Variants in GARNL3 observed in about 807,000 individuals in gnomAD.
GARNL3 encodes the protein GTPase activating Rap/RanGAP domain like 3.
In GARNL3, 63 loss-of-function variants were observed where a neutral mutation model predicts 125.0. The ratio of observed to expected loss-of-function variants is 0.50; its 90% confidence interval spans 0.41 to 0.62. The LOEUF (loss-of-function observed/expected upper bound fraction) is 0.62. Among genes scored for constraint, GARNL3 ranks in the 20% least tolerant of loss-of-function variants. The pLI is 0.00. For synonymous variants in GARNL3, 439 were observed against 457.5 expected, an observed-to-expected ratio of 0.96 and a Z score of 0.52; for missense variants, 994 against 1,244.0, an observed-to-expected ratio of 0.80 and a Z score of 3.02.
At chr9:127,235,495 C>T (rs2063094181) in intron 1 of GARNL3, among the ~76,000 whole-genome samples, 1 of 151,946 alleles carries the variant, frequency 6.6e-6, no homozygotes, top group Non-Finnish European at 1.5e-5. Flanking sequence ...GAAAGGTAAC[C>T]TGTGATTTGG....
intron 1 of GARNL3, among the ~76,000 whole-genome samples, chr9:127,290,407 A>C (rs941711886): frequency 6.6e-6 from 1 of 152,218 alleles, no homozygotes; most frequent in African/African-American, 2.4e-5. Context: ...AGAGGTGAGA[A>C]GTGCCCCTCA....
At chr9:127,378,519 G>A (rs1375663730) in intron 22 of GARNL3, among the ~76,000 whole-genome samples, 5 of 151,156 alleles carry the variant, frequency 3.3e-5, no homozygotes, top group South Asian at 2.1e-4. Context: ...CCCAGGAGGC[G>A]GAGGTTGTGG....
chr9:127,284,604 T>C lies in GARNL3; in HGVS notation c.145-6564T>C, dbSNP rs2064193551. Among the ~76,000 whole-genome samples, 4 of 152,098 alleles carry C rather than the reference T, an allele frequency of 2.6e-5. No individual in the cohort carries two copies. The South Asian group carries it at 8.3e-4, about 31-fold the overall frequency. ...AGTTCATTGTTTTTATCCTTTTTTG[T>C]TTGATAATAAAAGCATTGAAAATGT... is the stretch of plus-strand genomic sequence containing the variant. On this transcript the variant is annotated intron_variant, in intron 1 of 27. Transcript: ENST00000373387.
chr9:127,230,067 T>G (rs559368484), intron 1 of GARNL3, among the ~76,000 whole-genome samples: 13 of 152,330 alleles, frequency 8.5e-5, no homozygotes, highest in African/African-American at 2.9e-4. Flanking sequence ...AAGACACTTA[T>G]GCTGTTAAAC....
intron 2 of GARNL3, among the ~76,000 whole-genome samples, chr9:127,296,588 C>T (rs185532935): frequency 1.6e-4 from 24 of 151,150 alleles, no homozygotes; most frequent in African/African-American, 5.8e-4. Context: ...TCTCCTGCCT[C>T]AGCCTCCCAA....
At chr9:127,307,485 G>A (rs929540397) in intron 2 of GARNL3, among the ~76,000 whole-genome samples, 4 of 152,198 alleles carry the variant, frequency 2.6e-5, no homozygotes, top group African/African-American at 9.7e-5. Context: ...AGAGAAAGAC[G>A]TTCATGACAG....
chr9:127,382,708 G>T (rs934909883), intron 22 of GARNL3, among the ~76,000 whole-genome samples: 3 of 152,096 alleles, frequency 2.0e-5, no homozygotes, highest in Non-Finnish European at 2.9e-5. Context: ...ACTCTAAGAG[G>T]GTCTGAACCA....
intron 4 of GARNL3, among the ~76,000 whole-genome samples, chr9:127,317,460 C>T (rs552425290): frequency 6.6e-6 from 1 of 152,234 alleles, no homozygotes; most frequent in East Asian, 1.9e-4. Flanking sequence ...CGTGGTGGCT[C>T]ATGCCTGTAA....
intron 2 of GARNL3, among the ~76,000 whole-genome samples, chr9:127,294,909 G>T (rs2064540100): frequency 6.6e-6 from 1 of 152,114 alleles, no homozygotes; most frequent in Non-Finnish European, 1.5e-5. Flanking sequence ...TGCAAATTTT[G>T]GTAACTACTG....
At position 127,376,672 on chromosome 9, in the gene GARNL3, G is replaced by T. The variant is rs557473065; in HGVS notation, c.2162-6766G>T. Among the ~76,000 whole-genome samples the T allele has an allele frequency of 1.1e-4, 17 of 151,944 alleles. No homozygotes were observed. The South Asian group carries it at 3.5e-3, about 32-fold the overall frequency. On this transcript the variant is annotated intron_variant, in intron 22 of 27. Transcript: ENST00000373387. The stretch of plus-strand genomic sequence containing the variant: ...AAAAACAGTACATCTTTTATTCAGT[G>T]ACATCCTAGATTCAATGAAATATGG...
intron 15 of GARNL3, 105 bp from the exon 16 acceptor site, chr9:127,345,298 C>A: frequency 1.6e-6 from 1 of 606,066 alleles, no homozygotes; most frequent in South Asian, 2.7e-5. Flanking sequence ...GAAATGTTAG[C>A]CTGCAATTAC....
At chr9:127,351,758 T>C (rs1389236102) in intron 17 of GARNL3, among the ~76,000 whole-genome samples, 4 of 152,212 alleles carry the variant, frequency 2.6e-5, no homozygotes, top group Non-Finnish European at 5.9e-5. Flanking sequence ...AAAACCTACT[T>C]TGAAAGGAAA....
intron 1 of GARNL3, among the ~76,000 whole-genome samples, chr9:127,231,044 A>ATT (rs1311501205): frequency 4.2e-5 from 2 of 47,534 alleles, no homozygotes; most frequent in African/African-American, 1.2e-4. Flanking sequence ...ACATATATAT[A>ATT]TATATATTTT....
chr9:127,268,438 CTG>C (rs2063749624), intron 1 of GARNL3, among the ~76,000 whole-genome samples: 1 of 152,224 alleles, frequency 6.6e-6, no homozygotes, highest in African/African-American at 2.4e-5. Flanking sequence ...TCACATTTCT[CTG>C]TGTCTGTATC....
chr9:127,368,537 G>T (rs1831419324), intron 22 of GARNL3, among the ~76,000 whole-genome samples: 1 of 150,648 alleles, frequency 6.6e-6, no homozygotes, highest in African/African-American at 2.4e-5. Flanking sequence ...CACCATGTTG[G>T]TCAGGCTGGT....
At chr9:127,366,752 T>C (rs542967138) in intron 22 of GARNL3, 3 of 152,336 alleles carry the variant, frequency 2.0e-5, no homozygotes, top group Admixed American at 6.5e-5. Flanking sequence ...GTGGATGCCA[T>C]GGGCTCTGTG....
intron 1 of GARNL3, among the ~76,000 whole-genome samples, chr9:127,278,055 T>G (rs2064003167): frequency 6.6e-6 from 1 of 152,214 alleles, no homozygotes; most frequent in Non-Finnish European, 1.5e-5. Flanking sequence ...TTCTTAAATT[T>G]TTTATATTAC....
At chr9:127,328,681 A>G (rs917365397) in intron 7 of GARNL3, among the ~76,000 whole-genome samples, 2 of 152,164 alleles carry the variant, frequency 1.3e-5, no homozygotes, top group Non-Finnish European at 2.9e-5. Context: ...GAATAAGGCC[A>G]TCATTTCTCA....
chr9:127,231,539 G>A (rs925173949), intron 1 of GARNL3, among the ~76,000 whole-genome samples: 1 of 152,076 alleles, frequency 6.6e-6, no homozygotes, highest in African/African-American at 2.4e-5. Context: ...CACATTAACA[G>A]GGTTATATAT....
Sources: allele counts gnomAD v4.1 joint callset (sites outside exome capture counted in the v4.1 genomes callset), GRCh38; gene constraint gnomAD v4.1.1; transcripts MANE v1.5; gene names NCBI Gene and HGNC (gene_info 2026-07-23, HGNC 2026-07-21).